Variants in SEMA3D observed in about 807,000 individuals in gnomAD.
SEMA3D encodes semaphorin 3D, also known as semaphorin-3D.
SEMA3D carries 84 observed loss-of-function variants against 100.1 expected under a neutral mutation model. That is an observed-to-expected ratio of 0.84 (90% CI 0.70 to 1.01). The LOEUF (loss-of-function observed/expected upper bound fraction) is 1.01, where lower values mean the gene tolerates loss of function less well. Among genes scored for constraint, SEMA3D ranks in the 50% least tolerant of loss-of-function variants. SEMA3D has a pLI of 0.00. For missense variants in SEMA3D, 875 were observed against 934.1 expected, an observed-to-expected ratio of 0.94 and a Z score of 0.82; for synonymous variants, 312 against 320.7, an observed-to-expected ratio of 0.97 and a Z score of 0.29.
intron 9 of SEMA3D, among the ~76,000 whole-genome samples, chr7:85,049,333 G>A (rs1367938491): frequency 6.6e-6 from 1 of 151,620 alleles, no homozygotes. Context: ...TAAGCAAATA[G>A]AAGTGGAGAA....
chr7:85,040,370 T>C (rs1331213308), intron 11 of SEMA3D, among the ~76,000 whole-genome samples: 1 of 152,078 alleles, frequency 6.6e-6, no homozygotes, highest in Admixed American at 6.6e-5. Context: ...ACAAGTTTAG[T>C]CACTGAAGCA....
At chr7:85,070,978 C>T (rs1791756568) in intron 6 of SEMA3D, among the ~76,000 whole-genome samples, 1 of 152,130 alleles carries the variant, frequency 6.6e-6, no homozygotes, top group South Asian at 2.1e-4. Flanking sequence ...CGGGGTTTCA[C>T]CATGTTGGCA....
At chr7:85,121,628 T>C in intron 3 of SEMA3D, 113 bp downstream of exon 3, 1 of 606,298 alleles carries the variant, frequency 1.6e-6, no homozygotes, top group Non-Finnish European at 2.8e-6. Flanking sequence ...TATGAACTGA[T>C]GCCAAAACAT....
At chr7:85,152,698 A>T (rs1043162848) in intron 2 of SEMA3D, among the ~76,000 whole-genome samples, 5 of 152,196 alleles carry the variant, frequency 3.3e-5, no homozygotes, top group Admixed American at 1.3e-4. Context: ...AATAATTTAT[A>T]TTGAAAGAGT....
the SEMA3D span, among the ~76,000 whole-genome samples, chr7:85,215,233 T>A: frequency 6.6e-6 from 1 of 152,056 alleles, no homozygotes; most frequent in East Asian, 1.9e-4. Context: ...CTTTAGAAGT[T>A]GTCTGTGCAA....
At chr7:85,113,889 G>A (rs1197736426) in intron 3 of SEMA3D, among the ~76,000 whole-genome samples, 2 of 152,146 alleles carry the variant, frequency 1.3e-5, no homozygotes, top group African/African-American at 4.8e-5. Context: ...GGTTTACACT[G>A]AGAAGGTATG....
intron 1 of SEMA3D, among the ~76,000 whole-genome samples, chr7:85,171,140 A>G (rs577463899): frequency 6.6e-6 from 1 of 152,208 alleles, no homozygotes; most frequent in South Asian, 2.1e-4. Context: ...GTGCATACAA[A>G]GTCACAACCA....
At chr7:85,159,613 C>T (rs1020699729) in intron 1 of SEMA3D, among the ~76,000 whole-genome samples, 2 of 152,132 alleles carry the variant, frequency 1.3e-5, no homozygotes, top group African/African-American at 4.8e-5. Context: ...AGGTTCTTCT[C>T]AATATTATCC....
chr7:85,128,884 C>CTT (rs5885451), intron 2 of SEMA3D, among the ~76,000 whole-genome samples: 7 of 89,486 alleles, frequency 7.8e-5, no homozygotes, highest in South Asian at 3.5e-4. Flanking sequence ...TATTTTTTTC[C>CTT]TTTTTTTTTT....
intron 6 of SEMA3D, 76 bp downstream of exon 6, chr7:85,072,886 C>G: frequency 8.2e-7 from 1 of 1,213,214 alleles, no homozygotes; most frequent in Non-Finnish European, 1.2e-6. Flanking sequence ...TTCAAATCTG[C>G]CTGTTTTATG....
At chr7:85,238,504 G>T in the SEMA3D span, among the ~76,000 whole-genome samples, 1 of 152,046 alleles carries the variant, frequency 6.6e-6, no homozygotes, top group Non-Finnish European at 1.5e-5. Flanking sequence ...AAAATCAATG[G>T]GCTACAATTA....
chr7:85,235,039 C>T, the SEMA3D span, among the ~76,000 whole-genome samples: 1 of 152,096 alleles, frequency 6.6e-6, no homozygotes, highest in African/African-American at 2.4e-5. Context: ...TGTCATTAAC[C>T]CCAACAAGAT....
the SEMA3D span, among the ~76,000 whole-genome samples, chr7:85,192,490 C>A: frequency 1.4e-4 from 22 of 152,158 alleles, no homozygotes; most frequent in African/African-American, 5.3e-4. Context: ...CTAATCTTCA[C>A]CCTTAATTTA....
intron 2 of SEMA3D, among the ~76,000 whole-genome samples, chr7:85,149,704 C>T (rs1298938885): frequency 2.0e-5 from 3 of 152,122 alleles, no homozygotes; most frequent in Non-Finnish European, 1.5e-5. Flanking sequence ...TTCACTTCCA[C>T]CATGTCAGAG....
chr7:85,115,671 G>A (rs1789219993), intron 3 of SEMA3D, among the ~76,000 whole-genome samples: 1 of 151,976 alleles, frequency 6.6e-6, no homozygotes, highest in South Asian at 2.1e-4. Context: ...GCAATTTAAT[G>A]AGTTGTGACA....
chr7:85,022,747 T>C (rs1193162567), intron 12 of SEMA3D, 134 bp from the exon 13 acceptor site: 5 of 628,796 alleles, frequency 8.0e-6, no homozygotes, highest in African/African-American at 1.8e-5. Context: ...TATGGAATCA[T>C]GTGTACTTGT....
At chr7:85,029,051 T>C in intron 12 of SEMA3D, 1 of 493,372 alleles carries the variant, frequency 2.0e-6, no homozygotes, top group South Asian at 2.0e-5. Flanking sequence ...GCTGATGGAG[T>C]CATGGCTGTC....
At chr7:85,050,108 CACACACACACACAG>C (rs1791121569) in intron 9 of SEMA3D, among the ~76,000 whole-genome samples, 6 of 149,440 alleles carry the variant, frequency 4.0e-5, no homozygotes, top group Admixed American at 2.0e-4. Flanking sequence ...CACACACACA[CACACACACACACAG>C]AGACAGAGTA....
At position 85,111,755 on chromosome 7, in the gene SEMA3D, G is replaced by A. The variant is rs182367731; in HGVS notation, c.151+9986C>T. Among the ~76,000 whole-genome samples, 36 of 152,038 alleles carry A rather than the reference G, an allele frequency of 2.4e-4. No homozygotes were observed. In the East Asian group the frequency reaches 3.7e-3, roughly 15 times the overall value. ...CTCAGACTAAATGCCAGCAGTAGAA[G>A]ATCTAATCCCTCCTCTCTCCTGTTA... is the stretch of plus-strand genomic sequence containing the variant. On this transcript the variant is annotated intron_variant, in intron 3 of 18. Coordinates refer to ENST00000284136, the MANE Select transcript of SEMA3D (RefSeq NM_001384900.1).
Sources: gnomAD v4.1 joint callset for allele counts (sites outside exome capture counted in the v4.1 genomes callset) on GRCh38, gnomAD v4.1.1 for gene constraint, MANE v1.5 for transcripts, NCBI Gene and HGNC (gene_info 2026-07-23, HGNC 2026-07-21) for gene names.